Variants in PWWP2B observed in about 807,000 individuals in gnomAD.
The protein encoded by PWWP2B is PWWP domain-containing protein 2B.
A neutral mutation model predicts 15.5 loss-of-function variants in PWWP2B; 9 were observed. The ratio of observed to expected loss-of-function variants is 0.58; its 90% CI spans 0.35 to 1.02. The LOEUF is 1.02. PWWP2B is among the 50% of genes least tolerant of loss of function. The pLI, the probability that PWWP2B is intolerant of heterozygous loss-of-function variation, is 0.02. For missense variants in PWWP2B, 864 were observed against 865.3 expected (o/e 1.00, Z 0.02); for synonymous variants, 474 against 403.6 (o/e 1.17, Z -2.09).
intron 1 of PWWP2B, among the ~76,000 whole-genome samples, chr10:132,398,489 C>G (rs1463688425): frequency 2.0e-5 from 3 of 152,242 alleles, no homozygotes; most frequent in Non-Finnish European, 4.4e-5. Context: ...TGGGCTTGGT[C>G]CTGGTCAGCA....
intron 1 of PWWP2B, among the ~76,000 whole-genome samples, chr10:132,399,020 G>T (rs1353328040): frequency 7.4e-6 from 1 of 134,282 alleles, no homozygotes; most frequent in Admixed American, 7.4e-5. Flanking sequence ...CCCAGCCCCA[G>T]TCCTGAGGCT....
intron 2 of PWWP2B, among the ~76,000 whole-genome samples, chr10:132,408,488 CGAGG>C (rs770551753): frequency 1.3e-5 from 2 of 152,084 alleles, no homozygotes; most frequent in Non-Finnish European, 2.9e-5. Context: ...TGGCCATGCC[CGAGG>C]GAGGGGCGGG....
chr10:132,409,742 T>A (rs2069753852), intron 2 of PWWP2B, among the ~76,000 whole-genome samples: 1 of 150,558 alleles, frequency 6.6e-6, no homozygotes, highest in Non-Finnish European at 1.5e-5. Context: ...GTTCCCAAAT[T>A]AGTGCATAAT....
In PWWP2B at chr10:132,405,289, G is replaced by A. The variant is rs1052886724; in HGVS notation, c.789G>A (p.Lys263=). ...IKISYSTPQG[K]GEVVKIPSRV... ...TCTCCTACAGCACGCCCCAGGGCAA[G>A]GGAGAGGTGGTCAAGATCCCCTCCC... The change falls in exon 2 of 3, where the codon AAG becomes AAA. Residue 263 remains lysine, a synonymous_variant. Coordinates refer to ENST00000305233, the MANE Select transcript of PWWP2B (RefSeq NM_138499.4). 11 of 1,612,106 alleles carry A rather than the reference G, an allele frequency of 6.8e-6. No homozygotes were observed. The highest frequency in any genetic ancestry group is 2.2e-5 in the South Asian group (2 of 91,054).
intron 1 of PWWP2B, among the ~76,000 whole-genome samples, chr10:132,403,187 G>A (rs986540820): frequency 3.9e-5 from 6 of 152,220 alleles, no homozygotes; most frequent in African/African-American, 1.4e-4. Context: ...AATGGGGCGG[G>A]TGGCGCTCAC....
intron 1 of PWWP2B, among the ~76,000 whole-genome samples, 165 bp downstream of exon 1, chr10:132,397,516 A>C (rs2069553310): frequency 6.9e-6 from 1 of 144,428 alleles, no homozygotes; most frequent in Non-Finnish European, 1.5e-5. Flanking sequence ...CGCGGCCGCC[A>C]CTCGGGGGGG....
chr10:132,415,770 A>T (rs2069845373), intron 2 of PWWP2B, among the ~76,000 whole-genome samples: 1 of 152,004 alleles, frequency 6.6e-6, no homozygotes, highest in African/African-American at 2.4e-5. Context: ...GGCTAACTCA[A>T]GACTTGGTGT....
At position 132,405,583 on chromosome 10, in the gene PWWP2B, G is replaced by A. The variant is rs112194986; in HGVS notation, c.1083G>A (p.Leu361=). ...AELVGELNGY[L]RDSSPAPCAD... ...TGGTGGGGGAGCTGAACGGGTACCTGCGGGACAGCTCGCCGGCGCCCTGTG... is the reference window on the plus strand; with the variant it reads ...TGGTGGGGGAGCTGAACGGGTACCTACGGGACAGCTCGCCGGCGCCCTGTG... Residue 361 remains leucine (L), a synonymous_variant, in exon 2 of 3, where the codon CTG becomes CTA. Transcript: ENST00000305233. The A allele has an allele frequency of 1.3e-5, 21 of 1,609,492 alleles. No individual in the cohort carries two copies. The African/African-American group carries it at 1.5e-4, about 11-fold the overall frequency.
At chr10:132,408,431 T>G (rs917592577) in intron 2 of PWWP2B, among the ~76,000 whole-genome samples, 4 of 152,102 alleles carry the variant, frequency 2.6e-5, no homozygotes, top group African/African-American at 9.7e-5. Context: ...ACCACCATCG[T>G]GAAGGCGCCT....
chr10:132,417,142 C>G lies in PWWP2B; in HGVS notation c.*98C>G. 1 of 1,587,234 alleles carries G rather than the reference C, an allele frequency of 6.3e-7. No homozygotes were observed. Among genetic ancestry groups the G allele is most frequent in the South Asian group, 1.1e-5 (1 of 90,522 alleles). On this transcript the variant is annotated 3_prime_UTR_variant, in exon 3 of 3. Coordinates refer to ENST00000305233, the MANE Select transcript of PWWP2B (RefSeq NM_138499.4). ...ACCCTGTGAGCCTTCTGGCCGGCTG[C>G]GTGCAGAGCCCACTGGGCACGGTGG...
chr10:132,417,431 G>C lies in PWWP2B; in HGVS notation c.*387G>C. The C allele has an allele frequency of 2.9e-6, 1 of 347,494 alleles. No homozygotes were observed. The highest frequency in any genetic ancestry group is 5.3e-6 in the Non-Finnish European group (1 of 188,682). 21.5% of individuals were successfully genotyped at this position (347,494 alleles called of 1,614,324 possible). A position where few individuals can be genotyped will look rare whatever the true frequency, so the allele number is the denominator to read the frequency against. On this transcript the variant is annotated 3_prime_UTR_variant, in exon 3 of 3. Coordinates refer to ENST00000305233, the MANE Select transcript of PWWP2B (RefSeq NM_138499.4). The stretch of plus-strand genomic sequence containing the variant: ...GGGGTCCCATGGAGGAACCAGGCCT[G>C]GCGCCCCGGCCTCGCCCAGCGGCTG...
intron 2 of PWWP2B, among the ~76,000 whole-genome samples, chr10:132,416,537 C>T (rs894912090): frequency 6.6e-5 from 10 of 152,124 alleles, no homozygotes; most frequent in South Asian, 2.1e-4. Flanking sequence ...CCTGGGGCTC[C>T]GCACAGATCT....
chr10:132,401,019 G>T (rs1313361551), intron 1 of PWWP2B, among the ~76,000 whole-genome samples: 1 of 152,242 alleles, frequency 6.6e-6, no homozygotes, highest in Non-Finnish European at 1.5e-5. Flanking sequence ...GCTCCTCCCG[G>T]CCATGGTCCC....
Position 132,405,467 on chromosome 10 carries a change from CCGGCCGGCGCG to C in PWWP2B, c.968_978del (p.Pro323ArgfsTer6). The C allele has an allele frequency of 6.2e-7, 1 of 1,606,172 alleles. No individual in the cohort carries two copies. Among genetic ancestry groups the C allele is most frequent in the Non-Finnish European group, 8.5e-7 (1 of 1,179,390 alleles). ...CAAGTTGAAACTGACACGGCCTGTGCCGGCCGGCGCGGACCTGCCGCCCCCTAAGATCCGCC... is the reference window on the plus strand; with the variant it reads ...CAAGTTGAAACTGACACGGCCTGTGCGACCTGCCGCCCCCTAAGATCCGCC... On this transcript the variant is annotated frameshift_variant, in exon 2 of 3. Coordinates refer to ENST00000305233, the MANE Select transcript of PWWP2B (RefSeq NM_138499.4). LOFTEE classifies it low-confidence loss of function (END_TRUNC).
At chr10:132,400,267 A>C (rs1590755245) in intron 1 of PWWP2B, among the ~76,000 whole-genome samples, 1 of 152,018 alleles carries the variant, frequency 6.6e-6, no homozygotes, top group African/African-American at 2.4e-5. Context: ...CCTGGCTAGC[A>C]TGGCTGGTCT....
chr10:132,406,046 A>G lies in PWWP2B; in HGVS notation c.1546A>G (p.Lys516Glu), dbSNP rs1230313207. ...ARVLDISLGQ[K>E]EDGEPSWREA... is the part of the protein sequence containing the mutation. ...TGTTCTTGACATCAGTCTCGGCCAG[A>G]AGGAGGACGGAGAGCCGTCTTGGCG... The change falls in exon 2 of 3, where the codon AAG becomes GAG. Residue 516 changes from lysine to glutamate, a missense_variant. Physicochemically the swap from Lys to Glu is moderately conservative, Grantham distance 56 (BLOSUM62 1). This residue lies in a region of PWWP2B where 128 missense variants were observed against 177.6 expected (regional missense o/e 0.72). Coordinates refer to ENST00000305233, the MANE Select transcript of PWWP2B (RefSeq NM_138499.4). 7.4e-6 allele frequency: 12 copies of G among 1,613,676 alleles called. No homozygotes were observed. Among genetic ancestry groups the G allele is most frequent in the African/African-American group, 1.3e-5 (1 of 75,060 alleles).
At position 132,405,841 on chromosome 10, in the gene PWWP2B, G is replaced by T; in HGVS notation, c.1341G>T (p.Ser447=). The T allele has an allele frequency of 6.2e-7, 1 of 1,610,374 alleles. No individual in the cohort carries two copies. Among genetic ancestry groups the T allele is most frequent in the South Asian group, 1.1e-5 (1 of 91,026 alleles). ...EGTPADTGDL[S]PGHGASAPSV... ...CGCCGGCAGACACGGGTGACCTCTCGCCTGGCCACGGCGCGTCAGCGCCCT... is the reference window on the plus strand; with the variant it reads ...CGCCGGCAGACACGGGTGACCTCTCTCCTGGCCACGGCGCGTCAGCGCCCT... The change falls in exon 2 of 3, where the codon TCG becomes TCT. Residue 447 remains serine (S), a synonymous_variant. Transcript: ENST00000305233.
chr10:132,409,687 G>T (rs1455317680), intron 2 of PWWP2B, among the ~76,000 whole-genome samples: 1 of 133,694 alleles, frequency 7.5e-6, no homozygotes, highest in Non-Finnish European at 1.6e-5. Context: ...ACTCCACTGG[G>T]CCCAGGCTAG....
intron 1 of PWWP2B, among the ~76,000 whole-genome samples, chr10:132,403,144 T>G (rs2069634112): frequency 6.6e-6 from 1 of 152,208 alleles, no homozygotes; most frequent in Admixed American, 6.5e-5. Flanking sequence ...AGCCCGTGGC[T>G]GCAGGCCCCA....
Sources: allele counts gnomAD v4.1 joint callset (sites outside exome capture counted in the v4.1 genomes callset), GRCh38; gene constraint gnomAD v4.1.1; regional missense constraint gnomAD v4.1.1; transcripts MANE v1.5; gene names NCBI Gene and HGNC (gene_info 2026-07-23, HGNC 2026-07-21).